Variants in TFEC observed in about 807,000 individuals in gnomAD.
TFEC encodes transcription factor EC, also known as class E basic helix-loop-helix protein 34.
A neutral mutation model predicts 41.6 loss-of-function variants in TFEC; 31 were observed. The observed-to-expected ratio is 0.74, with a 90% CI of 0.56 to 1.01. The LOEUF (loss-of-function observed/expected upper bound fraction) is 1.01. Ranked by LOEUF, TFEC falls within the 50% of genes least tolerant of loss-of-function variation. TFEC has a pLI of 0.00. For synonymous variants in TFEC, 143 were observed against 140.6 expected, an observed-to-expected ratio of 1.02 and a Z score of -0.12; for missense variants, 402 against 404.1, an observed-to-expected ratio of 0.99 and a Z score of 0.04.
intron 4 of TFEC, among the ~76,000 whole-genome samples, chr7:115,955,952 G>A (rs578160682): frequency 2.6e-5 from 4 of 152,000 alleles, no homozygotes; most frequent in African/African-American, 9.6e-5. Flanking sequence ...AAAGTTTATT[G>A]CAGAAATCTC....
intron 3 of TFEC, among the ~76,000 whole-genome samples, chr7:116,071,611 C>CATTTATAATGATTGTTATGTAGAAGATG (rs1248246200): frequency 6.6e-6 from 1 of 151,214 alleles, no homozygotes; most frequent in Non-Finnish European, 1.5e-5. Context: ...TTTATTTAGT[C>CATTTATAATGATTGTTATGTAGAAGATG]ATTTATAATG....
At chr7:116,051,551 A>G (rs1796312466) in intron 3 of TFEC, among the ~76,000 whole-genome samples, 1 of 152,200 alleles carries the variant, frequency 6.6e-6, no homozygotes, top group South Asian at 2.1e-4. Context: ...CTGCCACAGA[A>G]CTGGAACAAA....
intron 3 of TFEC, among the ~76,000 whole-genome samples, chr7:115,962,178 C>T (rs1256086276): frequency 6.6e-6 from 1 of 151,536 alleles, no homozygotes; most frequent in Admixed American, 6.6e-5. Flanking sequence ...AAAAATACTG[C>T]TGAATGAAAT....
At chr7:115,975,834 C>A (rs1305371109) in intron 2 of TFEC, among the ~76,000 whole-genome samples, 2 of 152,074 alleles carry the variant, frequency 1.3e-5, no homozygotes, top group Non-Finnish European at 2.9e-5. Context: ...AAAGTAGGAA[C>A]AAGTTCAACA....
chr7:116,015,334 A>G (rs992160330), intron 1 of TFEC, among the ~76,000 whole-genome samples: 3 of 152,044 alleles, frequency 2.0e-5, no homozygotes, highest in African/African-American at 7.2e-5. Flanking sequence ...ATGCTCTAAT[A>G]GTAGAAGTTA....
intron 3 of TFEC, among the ~76,000 whole-genome samples, chr7:116,053,489 T>C (rs987097335): frequency 1.3e-5 from 2 of 152,212 alleles, no homozygotes; most frequent in African/African-American, 4.8e-5. Flanking sequence ...TTTCCAAAAG[T>C]CATGTTGAAA....
At position 116,037,464 on chromosome 7, in the gene TFEC, T is replaced by C. The variant is rs561492850; in HGVS notation, c.199-52951A>G. ...CTGGATTTTTTATGCTACTCATTGA[T>C]CAGAATTGTACCTTTAGAGTTGTTA... On this transcript the variant is annotated intron_variant, in intron 3 of 8. Coordinates refer to the TFEC transcript ENST00000484212. 3.9e-5 allele frequency among the ~76,000 whole-genome samples: 6 copies of C among 152,142 alleles called. No individual in the cohort carries two copies. In the East Asian group the frequency reaches 1.2e-3, roughly 29 times the overall value.
chr7:116,107,194 G>A (rs1797738002), intron 3 of TFEC, among the ~76,000 whole-genome samples: 1 of 152,114 alleles, frequency 6.6e-6, no homozygotes, highest in African/African-American at 2.4e-5. Flanking sequence ...CACAAATTGA[G>A]ATAACTGCCT....
chr7:116,035,243 A>T (rs920590893), upstream of TFEC, among the ~76,000 whole-genome samples: 2 of 152,020 alleles, frequency 1.3e-5, no homozygotes, highest in African/African-American at 4.8e-5. Flanking sequence ...ATGTCTTCTC[A>T]ACTAAATCTG....
intron 3 of TFEC, among the ~76,000 whole-genome samples, chr7:116,052,504 C>A (rs1204168440): frequency 3.3e-5 from 5 of 152,096 alleles, no homozygotes; most frequent in Non-Finnish European, 7.3e-5. Context: ...TCTCGGCTCA[C>A]TGCAACCTCC....
intron 1 of TFEC, among the ~76,000 whole-genome samples, chr7:116,125,812 T>G (rs998931735): frequency 1.3e-5 from 2 of 152,176 alleles, no homozygotes; most frequent in Admixed American, 6.5e-5. Context: ...ATTTGCAGCT[T>G]GAAGTGCCTT....
At chr7:116,097,954 A>G (rs567538735) in intron 3 of TFEC, among the ~76,000 whole-genome samples, 2 of 152,324 alleles carry the variant, frequency 1.3e-5, no homozygotes, top group South Asian at 4.1e-4. Flanking sequence ...GAGTGAGTGA[A>G]CAAACAATAA....
chr7:115,969,649 TAAAATGTTAAGCAAGGA>T (rs1382359969), intron 3 of TFEC, among the ~76,000 whole-genome samples: 1 of 151,926 alleles, frequency 6.6e-6, no homozygotes, highest in African/African-American at 2.4e-5. Flanking sequence ...AGAAAGTTAA[TAAAATGTTAAGCAAGGA>T]GAAACAGGAT....
intron 3 of TFEC, among the ~76,000 whole-genome samples, chr7:116,092,621 T>C (rs1052229789): frequency 6.6e-6 from 1 of 152,184 alleles, no homozygotes; most frequent in Non-Finnish European, 1.5e-5. Flanking sequence ...TACCCTTCTT[T>C]TGATGTTGTT....
At chr7:115,941,836 G>T in intron 7 of TFEC, 57 bp downstream of exon 7, 1 of 1,495,404 alleles carries the variant, frequency 6.7e-7, no homozygotes, top group South Asian at 1.4e-5. Flanking sequence ...GAAGAAAACT[G>T]ATGACAGCTG....
chr7:116,127,498 C>A (rs1798238564), intron 1 of TFEC, among the ~76,000 whole-genome samples: 2 of 152,040 alleles, frequency 1.3e-5, no homozygotes, highest in Admixed American at 1.3e-4. Context: ...TGTCTTTTCT[C>A]TGTTTCTATT....
chr7:116,035,964 A>AG (rs1318690323), intron 3 of TFEC, among the ~76,000 whole-genome samples: 4 of 151,974 alleles, frequency 2.6e-5, no homozygotes, highest in African/African-American at 9.7e-5. Flanking sequence ...CACAGTGGAG[A>AG]AAAAAAATCA....
chr7:115,950,286 AC>A (rs1330416594), intron 6 of TFEC, among the ~76,000 whole-genome samples: 1 of 152,128 alleles, frequency 6.6e-6, no homozygotes, highest in African/African-American at 2.4e-5. Context: ...TGCTGGGATT[AC>A]AGGCGTTCAC....
chr7:116,091,080 G>GTT (rs1457829251), intron 3 of TFEC, among the ~76,000 whole-genome samples: 3 of 151,974 alleles, frequency 2.0e-5, no homozygotes, highest in African/African-American at 7.3e-5. Context: ...AAACCTGCAC[G>GTT]TTCTGCGCAT....
Sources: allele counts gnomAD v4.1 joint callset (sites outside exome capture counted in the v4.1 genomes callset), GRCh38; gene constraint gnomAD v4.1.1; transcripts MANE v1.5; gene names NCBI Gene and HGNC (gene_info 2026-07-23, HGNC 2026-07-21).